JAZF1: variants seen among roughly 807,000 people sequenced by gnomAD.
The protein encoded by JAZF1 is JAZF zinc finger 1, also known as juxtaposed with another zinc finger protein 1.
Under a neutral mutation model 26.4 loss-of-function variants are expected in JAZF1, and 8 were observed. The observed-to-expected ratio is 0.30, with a 90% CI of 0.18 to 0.55. The LOEUF (loss-of-function observed/expected upper bound fraction) is 0.55. JAZF1 is among the 20% of genes least tolerant of loss of function. The pLI, the probability that JAZF1 is intolerant of heterozygous loss-of-function variation, is 0.94. For missense variants in JAZF1, 199 were observed against 322.0 expected, an observed-to-expected ratio of 0.62 and a Z score of 2.92; for synonymous variants, 126 against 122.3, an observed-to-expected ratio of 1.03 and a Z score of -0.20.
chr7:28,110,549 GA>G (rs1277980435), intron 1 of JAZF1, among the ~76,000 whole-genome samples: 3 of 120,642 alleles, frequency 2.5e-5, no homozygotes, highest in Non-Finnish European at 5.3e-5. Context: ...AAAGGAAAAG[GA>G]AAAGGAAAGG....
At chr7:27,861,853 C>T (rs1196799922) in intron 3 of JAZF1, among the ~76,000 whole-genome samples, 1 of 152,218 alleles carries the variant, frequency 6.6e-6, no homozygotes, top group Non-Finnish European at 1.5e-5. Context: ...GTCCTTTCCC[C>T]TTGGGCTGAC....
chr7:27,929,942 C>T (rs1335906770), intron 2 of JAZF1, among the ~76,000 whole-genome samples: 3 of 144,758 alleles, frequency 2.1e-5, no homozygotes, highest in Non-Finnish European at 3.0e-5. Flanking sequence ...TGCATTCTCT[C>T]TCTCTCTCTC....
intron 3 of JAZF1, among the ~76,000 whole-genome samples, chr7:27,859,894 CAAATA>C (rs1427081296): frequency 2.6e-5 from 4 of 152,148 alleles, no homozygotes; most frequent in Non-Finnish European, 4.4e-5. Context: ...TACAAATTAT[CAAATA>C]AAAGTCTGTA....
chr7:28,092,334 T>C (rs1168556871), intron 1 of JAZF1, among the ~76,000 whole-genome samples: 1 of 43,346 alleles, frequency 2.3e-5, no homozygotes, highest in Non-Finnish European at 5.1e-5. Flanking sequence ...AAACAACTAA[T>C]GTCAAAGTAG....
chr7:28,015,924 C>A (rs1782883023), intron 1 of JAZF1, among the ~76,000 whole-genome samples: 1 of 152,190 alleles, frequency 6.6e-6, no homozygotes, highest in Admixed American at 6.5e-5. Flanking sequence ...CCCTGCCTCT[C>A]CCCTCACACC....
intron 1 of JAZF1, among the ~76,000 whole-genome samples, chr7:28,174,192 C>G (rs1405199112): frequency 6.6e-6 from 1 of 152,110 alleles, no homozygotes; most frequent in Non-Finnish European, 1.5e-5. Context: ...TCTGTACTGT[C>G]AAGATCTGAA....
chr7:28,048,967 T>TCCC (rs1783541523), intron 1 of JAZF1, among the ~76,000 whole-genome samples: 1 of 150,154 alleles, frequency 6.7e-6, no homozygotes, highest in Admixed American at 6.6e-5. Flanking sequence ...AAACCTTTTC[T>TCCC]TTCTCCCTTC....
At chr7:28,158,191 AGAGAGAGAGAGAGG>A (rs1164931112) in intron 1 of JAZF1, among the ~76,000 whole-genome samples, 3 of 151,322 alleles carry the variant, frequency 2.0e-5, no homozygotes, top group Admixed American at 6.6e-5. Context: ...ACACACAGAG[AGAGAGAGAGAGAGG>A]GAGAGAGAGA....
At chr7:28,126,139 T>C (rs1782690231) in intron 1 of JAZF1, among the ~76,000 whole-genome samples, 1 of 152,164 alleles carries the variant, frequency 6.6e-6, no homozygotes. Context: ...TGTAGCCCCT[T>C]CATAATCTCC....
At chr7:28,175,594 A>T (rs1554293576) in intron 1 of JAZF1, among the ~76,000 whole-genome samples, 1 of 152,218 alleles carries the variant, frequency 6.6e-6, no homozygotes, top group Non-Finnish European at 1.5e-5. Context: ...AGTGGCAGAC[A>T]TGTGTGTTCA....
Position 27,959,899 on chromosome 7 carries a change from CA to C in JAZF1, c.188+32009del, listed in dbSNP as rs10592879. On this transcript the variant is annotated intron_variant, in intron 2 of 4. Coordinates refer to ENST00000283928, the MANE Select transcript of JAZF1 (RefSeq NM_175061.4). ...TGGGCAACAGAGTGAGATGCTGTCT[CA>C]AAAAAAAAAAAAAAATGTGCAGATG... is the stretch of plus-strand genomic sequence containing the variant. Among the ~76,000 whole-genome samples, 644 of 147,436 alleles carry C rather than the reference CA, an allele frequency of 4.4e-3. 7 individuals carry two copies. Among genetic ancestry groups the C allele is most frequent in the African/African-American group, 0.013 (499 of 39,854 alleles).
intron 1 of JAZF1, among the ~76,000 whole-genome samples, chr7:28,061,966 G>A (rs1276744641): frequency 6.6e-6 from 1 of 152,212 alleles, no homozygotes; most frequent in African/African-American, 2.4e-5. Flanking sequence ...GGACACAAAG[G>A]ATCTGGCCTA....
At chr7:27,947,686 G>C (rs1273592517) in intron 2 of JAZF1, among the ~76,000 whole-genome samples, 1 of 152,090 alleles carries the variant, frequency 6.6e-6, no homozygotes, top group Non-Finnish European at 1.5e-5. Flanking sequence ...TCTCCTTCTA[G>C]TTGGTTATTT....
intron 1 of JAZF1, 36 bp downstream of exon 1, chr7:28,180,427 G>A: frequency 1.3e-6 from 2 of 1,540,282 alleles, no homozygotes; most frequent in Non-Finnish European, 1.8e-6. Context: ...GAGTTTCCGC[G>A]CGCCTGGCAC....
At chr7:28,041,588 G>A (rs781257492) in intron 1 of JAZF1, among the ~76,000 whole-genome samples, 10 of 152,058 alleles carry the variant, frequency 6.6e-5, no homozygotes, top group Non-Finnish European at 1.3e-4. Context: ...TTGTGTCTGA[G>A]CCTCATCAGC....
intron 1 of JAZF1, among the ~76,000 whole-genome samples, chr7:28,169,278 G>A (rs1022771132): frequency 1.3e-5 from 2 of 152,206 alleles, no homozygotes; most frequent in Admixed American, 6.5e-5. Flanking sequence ...GCCCCTGAAA[G>A]TGCTGAAGTG....
intron 1 of JAZF1, among the ~76,000 whole-genome samples, chr7:28,123,060 C>A (rs1782630565): frequency 6.6e-6 from 1 of 152,134 alleles, no homozygotes; most frequent in South Asian, 2.1e-4. Flanking sequence ...CTCCCCCAGC[C>A]TTCCCAGGAG....
intron 2 of JAZF1, among the ~76,000 whole-genome samples, chr7:27,975,195 T>C (rs1332359234): frequency 6.6e-6 from 1 of 152,066 alleles, no homozygotes; most frequent in Non-Finnish European, 1.5e-5. Context: ...AGGGAGCTTT[T>C]ATTCAAGGGT....
intron 1 of JAZF1, among the ~76,000 whole-genome samples, chr7:28,100,607 T>C (rs1390584228): frequency 6.6e-6 from 1 of 152,188 alleles, no homozygotes; most frequent in Non-Finnish European, 1.5e-5. Context: ...ACATGATTAG[T>C]GTCCTACAAA....
Sources: gnomAD v4.1 joint callset for allele counts (sites outside exome capture counted in the v4.1 genomes callset) on GRCh38, gnomAD v4.1.1 for gene constraint, MANE v1.5 for transcripts, NCBI Gene and HGNC (gene_info 2026-07-23, HGNC 2026-07-21) for gene names.